The following SRD5A2 variants were observed in gnomAD, a reference collection of about 807,000 sequenced individuals.
SRD5A2 encodes the protein steroid 5 alpha-reductase 2.
SRD5A2 carries 30 observed loss-of-function variants against 27.4 expected under a neutral mutation model. That is an observed-to-expected ratio of 1.10 (90% CI 0.82 to 1.49). The LOEUF (loss-of-function observed/expected upper bound fraction) is 1.49, where lower values mean the gene tolerates loss of function less well. SRD5A2 is among the 40% of genes most tolerant of loss of function. SRD5A2 has a pLI of 0.00. For synonymous variants in SRD5A2, 141 were observed against 133.6 expected (o/e 1.06, Z -0.38); for missense variants, 348 against 323.4 (o/e 1.08, Z -0.58).
chr2:31,595,731 A>C, the SRD5A2 span, among the ~76,000 whole-genome samples: 1 of 152,160 alleles, frequency 6.6e-6, no homozygotes, highest in Admixed American at 6.6e-5. Flanking sequence ...TATCACCAAG[A>C]CCAGGAAAGG....
At chr2:31,649,151 A>G in the SRD5A2 span, among the ~76,000 whole-genome samples, 1 of 152,318 alleles carries the variant, frequency 6.6e-6, no homozygotes, top group Admixed American at 6.5e-5. Context: ...ACTGGTTAGC[A>G]GTGCTATGTT....
At chr2:31,647,063 T>A in the SRD5A2 span, among the ~76,000 whole-genome samples, 2 of 151,942 alleles carry the variant, frequency 1.3e-5, no homozygotes, top group African/African-American at 4.8e-5. Context: ...GAGAATCTCT[T>A]GAATCTGAGA....
the SRD5A2 span, among the ~76,000 whole-genome samples, chr2:31,644,031 T>C: frequency 2.0e-5 from 3 of 152,188 alleles, no homozygotes; most frequent in Non-Finnish European, 4.4e-5. Flanking sequence ...TAGGGGAAGA[T>C]AGTAACTTCA....
rs1040476513 is a variant in SRD5A2 at position 31,525,174 on chromosome 2, C to T, written c.*1022G>A. 3.6e-5 allele frequency: 8 copies of T among 222,708 alleles called. No individual in the cohort carries two copies. Among genetic ancestry groups the T allele is most frequent in the East Asian group, 6.5e-5 (1 of 15,482 alleles). 13.8% of individuals were successfully genotyped at this position (222,708 alleles called of 1,614,324 possible). A position where few individuals can be genotyped will look rare whatever the true frequency, so the allele number is the denominator to read the frequency against. On this transcript the variant is annotated 3_prime_UTR_variant, in exon 5 of 5. Transcript: ENST00000622030. ...AGGCATTCAGGCTGCCCCTAGGAGACACCTTCTTGAACAGGTCCTGAGAAC... is the reference window on the plus strand; with the variant it reads ...AGGCATTCAGGCTGCCCCTAGGAGATACCTTCTTGAACAGGTCCTGAGAAC...
At chr2:31,547,218 C>G (rs1452627987) in intron 1 of SRD5A2, among the ~76,000 whole-genome samples, 1 of 152,192 alleles carries the variant, frequency 6.6e-6, no homozygotes, top group Non-Finnish European at 1.5e-5. Flanking sequence ...TGATTTTTGA[C>G]AAGGGTGCTA....
At chr2:31,547,098 CA>C (rs1045444733) in intron 1 of SRD5A2, among the ~76,000 whole-genome samples, 32 of 149,608 alleles carry the variant, frequency 2.1e-4, no homozygotes, top group Non-Finnish European at 4.4e-4. Flanking sequence ...AACTCCATCT[CA>C]AAAAATAAAA....
chr2:31,653,746 G>A, the SRD5A2 span, among the ~76,000 whole-genome samples: 2 of 151,942 alleles, frequency 1.3e-5, no homozygotes, highest in Non-Finnish European at 2.9e-5. Context: ...TGCAACCTCC[G>A]CCTCCTGGGT....
the SRD5A2 span, among the ~76,000 whole-genome samples, chr2:31,624,114 T>C: frequency 6.6e-6 from 1 of 152,178 alleles, no homozygotes; most frequent in South Asian, 2.1e-4. Context: ...TGTGGGTAAA[T>C]AATAGGTGTA....
At chr2:31,596,931 A>T in the SRD5A2 span, among the ~76,000 whole-genome samples, 1 of 152,170 alleles carries the variant, frequency 6.6e-6, no homozygotes, top group Non-Finnish European at 1.5e-5. Context: ...AAAGCAATCT[A>T]CAAATTCAAT....
the SRD5A2 span, among the ~76,000 whole-genome samples, chr2:31,600,129 C>T: frequency 6.6e-6 from 1 of 151,980 alleles, no homozygotes; most frequent in African/African-American, 2.4e-5. Context: ...TAGTGGCCTC[C>T]AGCTCCACCC....
At chr2:31,645,341 G>A in the SRD5A2 span, among the ~76,000 whole-genome samples, 1 of 152,122 alleles carries the variant, frequency 6.6e-6, no homozygotes. Flanking sequence ...TTGAGGGGAT[G>A]GATAACCCAT....
intron 1 of SRD5A2, among the ~76,000 whole-genome samples, chr2:31,541,644 G>GT (rs56152043): frequency 1 from 152,260 of 152,262 alleles, 76,129 homozygotes; most frequent in Middle Eastern, 1. Context: ...ACAGTACTTG[G>GT]TTTAACTTCA....
the SRD5A2 span, among the ~76,000 whole-genome samples, chr2:31,640,614 A>G: frequency 7.9e-5 from 12 of 152,208 alleles, no homozygotes; most frequent in South Asian, 2.5e-3. Flanking sequence ...CAAATAGGGG[A>G]GATCCAAAGG....
intron 1 of SRD5A2, among the ~76,000 whole-genome samples, chr2:31,556,023 T>C (rs1036939197): frequency 1.1e-4 from 16 of 152,194 alleles, no homozygotes; most frequent in African/African-American, 3.1e-4. Flanking sequence ...TCTCAAAAAA[T>C]TGTTCTCTTT....
the SRD5A2 span, among the ~76,000 whole-genome samples, chr2:31,589,738 A>G: frequency 6.6e-6 from 1 of 152,138 alleles, no homozygotes; most frequent in East Asian, 1.9e-4. Flanking sequence ...TTTCCTGTGC[A>G]GAAACGGGGT....
chr2:31,575,645 C>CA (rs1353511924), intron 1 of SRD5A2, among the ~76,000 whole-genome samples: 5 of 152,046 alleles, frequency 3.3e-5, no homozygotes, highest in Admixed American at 2.0e-4. Context: ...TTTGGCTAAT[C>CA]AAAAAAATGT....
chr2:31,561,173 G>A (rs1002972116), intron 1 of SRD5A2, among the ~76,000 whole-genome samples: 1 of 152,050 alleles, frequency 6.6e-6, no homozygotes, highest in African/African-American at 2.4e-5. Flanking sequence ...ATTTGTAAAA[G>A]AGCACACCTG....
chr2:31,634,891 T>A, the SRD5A2 span, among the ~76,000 whole-genome samples: 3 of 152,188 alleles, frequency 2.0e-5, no homozygotes, highest in Non-Finnish European at 4.4e-5. Context: ...TTGAATAATA[T>A]TCCATTGGGT....
intron 1 of SRD5A2, among the ~76,000 whole-genome samples, chr2:31,541,188 T>C (rs995640043): frequency 6.6e-6 from 1 of 152,176 alleles, no homozygotes; most frequent in South Asian, 2.1e-4. Flanking sequence ...AAAGACCTTA[T>C]GTTTACACCT....
Sources: allele counts gnomAD v4.1 joint callset (sites outside exome capture counted in the v4.1 genomes callset), GRCh38; gene constraint gnomAD v4.1.1; transcripts MANE v1.5; gene names NCBI Gene and HGNC (gene_info 2026-07-23, HGNC 2026-07-21).